Variants in TBL1X observed in about 807,000 individuals in gnomAD.
TBL1X encodes transducin beta like 1 X-linked.
A neutral mutation model predicts 50.7 loss-of-function variants in TBL1X; 10 were observed. The observed-to-expected ratio is 0.20, with a 90% confidence interval of 0.12 to 0.33. The LOEUF is 0.33. Among genes scored for constraint, TBL1X ranks in the 10% least tolerant of loss-of-function variants. The pLI is 1.00. For synonymous variants in TBL1X, 190 were observed against 214.7 expected, an observed-to-expected ratio of 0.88 and a Z score of 1.01; for missense variants, 340 against 504.4, an observed-to-expected ratio of 0.67 and a Z score of 3.12.
chrX:9,638,134 C>A (rs1457771335), intron 2 of TBL1X, among the ~76,000 whole-genome samples: 1 of 111,503 alleles, frequency 9.0e-6, no homozygotes, highest in Non-Finnish European at 1.9e-5. Flanking sequence ...CCCTTCAAAA[C>A]CTCTCCATGT....
At chrX:9,464,203 A>T (rs970382133), upstream of TBL1X, among the ~76,000 whole-genome samples, 2 of 111,074 alleles carry the variant, frequency 1.8e-5, no homozygotes, top group Admixed American at 1.9e-4. Flanking sequence ...CTGGGGACTT[A>T]GGTACACCGG....
chrX:9,657,432 A>G (rs2082870842), intron 5 of TBL1X, among the ~76,000 whole-genome samples: 1 of 112,212 alleles, frequency 8.9e-6, no homozygotes, highest in South Asian at 3.7e-4. Flanking sequence ...CTCTGCCAGT[A>G]TCCATGGTGT....
rs774317535 is a variant in TBL1X at position 9,556,762 on chromosome X, G to C, written c.-131+54913G>C. Among the ~76,000 whole-genome samples the C allele has an allele frequency of 4.2e-3, 466 of 109,882 alleles. 2 individuals are homozygous for C. The highest frequency in any genetic ancestry group is 6.3e-3 in the Non-Finnish European group (332 of 52,832). ...GTGGTGGTATTTGCTGAAGGCTCGA[G>C]GGTTAAGTTTCTGGTTTTTTGTTTT... On this transcript the variant is annotated intron_variant, in intron 2 of 17. Coordinates refer to ENST00000645353, the MANE Select transcript of TBL1X (RefSeq NM_005647.4).
At chrX:9,569,187 CTG>C (rs1246877515) in intron 2 of TBL1X, among the ~76,000 whole-genome samples, 1 of 102,276 alleles carries the variant, frequency 9.8e-6, no homozygotes, top group Non-Finnish European at 2.0e-5. Flanking sequence ...TTGTGTCTAT[CTG>C]TGCAGTGTAC....
intron 1 of TBL1X, among the ~76,000 whole-genome samples, chrX:9,473,411 A>C (rs1347096671): frequency 8.9e-6 from 1 of 112,015 alleles, no homozygotes; most frequent in Non-Finnish European, 1.9e-5. Flanking sequence ...GCAATTGCCA[A>C]CTTCTGACAG....
intron 2 of TBL1X, among the ~76,000 whole-genome samples, chrX:9,505,847 A>G (rs1376972649): frequency 1.8e-5 from 2 of 112,179 alleles, no homozygotes; most frequent in African/African-American, 6.5e-5. Flanking sequence ...CTCCCACACA[A>G]TAATAGGGGG....
chrX:9,715,131 G>A, intron 17 of TBL1X, 128 bp downstream of exon 17: 2 of 624,140 alleles, frequency 3.2e-6, no homozygotes, highest in Non-Finnish European at 5.0e-6. Flanking sequence ...AAGCTTCTGG[G>A]CTGGATCCCA....
chrX:9,612,359 A>T (rs1364300168), intron 2 of TBL1X, among the ~76,000 whole-genome samples: 1 of 111,620 alleles, frequency 9.0e-6, no homozygotes, highest in African/African-American at 3.3e-5. Flanking sequence ...TGTGGAAGCC[A>T]GCTAGATTTG....
intron 2 of TBL1X, among the ~76,000 whole-genome samples, chrX:9,543,284 G>C: frequency 8.9e-6 from 1 of 112,009 alleles, no homozygotes; most frequent in Non-Finnish European, 1.9e-5. Flanking sequence ...CTGTTGTCTA[G>C]GGGAAGGAAC....
intron 3 of TBL1X, among the ~76,000 whole-genome samples, chrX:9,642,227 CT>C (rs1332750344): frequency 9.0e-6 from 1 of 111,549 alleles, no homozygotes; most frequent in Non-Finnish European, 1.9e-5. Context: ...CTGTGTTTGG[CT>C]TTATACCTCA....
chrX:9,562,273 A>C (rs1389794065), intron 2 of TBL1X, among the ~76,000 whole-genome samples: 1 of 112,531 alleles, frequency 8.9e-6, no homozygotes, highest in African/African-American at 3.2e-5. Flanking sequence ...TATCATCTTT[A>C]AATGTGATTC....
intron 1 of TBL1X, among the ~76,000 whole-genome samples, chrX:9,490,648 C>T (rs533601780): frequency 1.8e-5 from 2 of 112,151 alleles, no homozygotes; most frequent in South Asian, 7.4e-4. Context: ...TAAGTAGACA[C>T]GGACACATCT....
intron 2 of TBL1X, among the ~76,000 whole-genome samples, chrX:9,504,401 T>C (rs749975653): frequency 8.9e-6 from 1 of 112,013 alleles, no homozygotes. Flanking sequence ...CTCCTCCAAA[T>C]GATTACAACA....
intron 2 of TBL1X, among the ~76,000 whole-genome samples, chrX:9,613,985 CAAAA>C (rs34481376): frequency 2.0e-5 from 1 of 50,249 alleles, no homozygotes; most frequent in Non-Finnish European, 3.7e-5. Flanking sequence ...GACTCCATCT[CAAAA>C]AAAAAAAAAA....
At chrX:9,516,844 T>C (rs1165070820) in intron 2 of TBL1X, among the ~76,000 whole-genome samples, 1 of 112,258 alleles carries the variant, frequency 8.9e-6, no homozygotes, top group Non-Finnish European at 1.9e-5. Context: ...TTTCCTGATA[T>C]TCAGCAATTT....
At chrX:9,583,666 A>G (rs2082453750) in intron 2 of TBL1X, among the ~76,000 whole-genome samples, 1 of 112,600 alleles carries the variant, frequency 8.9e-6, no homozygotes, top group South Asian at 3.6e-4. Context: ...TATCATCTAT[A>G]AAGTGAAGGT....
chrX:9,645,224 A>G (rs2082797592), intron 3 of TBL1X: 1 of 111,702 alleles, frequency 9.0e-6, no homozygotes, highest in Non-Finnish European at 1.9e-5. Context: ...ACTCCCAAAT[A>G]GCTGGGAATA....
intron 5 of TBL1X, among the ~76,000 whole-genome samples, chrX:9,683,023 C>T (rs1473537403): frequency 9.0e-6 from 1 of 111,246 alleles, no homozygotes; most frequent in African/African-American, 3.3e-5. Flanking sequence ...ATTTCAAGCT[C>T]CTGTGCACCC....
intron 2 of TBL1X, among the ~76,000 whole-genome samples, chrX:9,600,920 G>C (rs144125089): frequency 3.6e-3 from 405 of 111,566 alleles, no homozygotes; most frequent in African/African-American, 0.013. Flanking sequence ...TTAAGAAGTG[G>C]AATTTTATCC....
Sources: allele counts gnomAD v4.1 joint callset (sites outside exome capture counted in the v4.1 genomes callset), GRCh38; gene constraint gnomAD v4.1.1; transcripts MANE v1.5; gene names NCBI Gene and HGNC (gene_info 2026-07-23, HGNC 2026-07-21).